Variants in STXBP4 observed in about 807,000 individuals in gnomAD.
The protein encoded by STXBP4 is syntaxin-binding protein 4.
A neutral mutation model predicts 76.1 loss-of-function variants in STXBP4; 55 were observed. That is an observed-to-expected ratio of 0.72 (90% CI 0.58 to 0.91). The LOEUF is 0.91. STXBP4 is among the 40% of genes least tolerant of loss of function. The probability of loss-of-function intolerance (pLI) is 0.00; values close to 1 mark genes in which losing one functional copy is unlikely to be tolerated. For synonymous variants in STXBP4, 201 were observed against 220.2 expected, an observed-to-expected ratio of 0.91 and a Z score of 0.77; for missense variants, 618 against 636.9, an observed-to-expected ratio of 0.97 and a Z score of 0.32.
chr17:55,185,096 C>T, the STXBP4 span, among the ~76,000 whole-genome samples: 1 of 152,152 alleles, frequency 6.6e-6, no homozygotes, highest in Non-Finnish European at 1.5e-5. Context: ...GTCTAGAACT[C>T]CTGGGCTCAA....
At chr17:55,138,028 G>A (rs939647393) in intron 16 of STXBP4, among the ~76,000 whole-genome samples, 8 of 151,894 alleles carry the variant, frequency 5.3e-5, no homozygotes, top group East Asian at 3.9e-4. Flanking sequence ...CATGTTTCAC[G>A]TTTTGCCTAT....
intron 17 of STXBP4, among the ~76,000 whole-genome samples, chr17:55,154,702 G>GA (rs1318808706): frequency 2.0e-5 from 3 of 151,832 alleles, no homozygotes; most frequent in East Asian, 3.9e-4. Context: ...GATATTATTT[G>GA]AAAAAATGTA....
chr17:55,105,619 G>A (rs985444952), intron 16 of STXBP4, among the ~76,000 whole-genome samples: 34 of 150,950 alleles, frequency 2.3e-4, no homozygotes, highest in African/African-American at 8.1e-4. Flanking sequence ...ACAGGCACCC[G>A]CCACCACACC....
the STXBP4 span, among the ~76,000 whole-genome samples, chr17:55,182,750 AATAAG>A: frequency 6.6e-6 from 1 of 152,062 alleles, no homozygotes; most frequent in Non-Finnish European, 1.5e-5. Flanking sequence ...CAACAGAAAT[AATAAG>A]AGACAAAAAA....
chr17:55,202,409 C>T, the STXBP4 span, among the ~76,000 whole-genome samples: 1 of 150,646 alleles, frequency 6.6e-6, no homozygotes, highest in African/African-American at 2.5e-5. Context: ...ATTAATACCA[C>T]AGGTATTAAT....
rs992010485 is a variant in STXBP4, at chr17:55,083,181, C to T, written c.1489+1998C>T. On this transcript the variant is annotated intron_variant, in intron 16 of 17. Transcript: ENST00000376352. ...GTAGAGACAGGGTCTCTCCATGTTG[C>T]CCAGGCCTGGTCTTGAACTCCTGGA... Among the ~76,000 whole-genome samples, 10 of 152,000 alleles carry T rather than the reference C, an allele frequency of 6.6e-5. No individual in the cohort carries two copies. In the East Asian group the frequency reaches 1.9e-3, roughly 29 times the overall value.
chr17:54,987,119 G>A (rs1451866000), intron 3 of STXBP4, among the ~76,000 whole-genome samples: 1 of 152,162 alleles, frequency 6.6e-6, no homozygotes, highest in African/African-American at 2.4e-5. Flanking sequence ...TTAGTGAAAG[G>A]AAGCAGTAAA....
chr17:55,197,954 G>T, the STXBP4 span, among the ~76,000 whole-genome samples: 1 of 152,114 alleles, frequency 6.6e-6, no homozygotes, highest in Admixed American at 6.5e-5. Flanking sequence ...TGGACAAAAC[G>T]CACAGCAAAG....
intron 7 of STXBP4, among the ~76,000 whole-genome samples, chr17:55,007,242 G>C (rs2144540025): frequency 6.6e-6 from 1 of 151,994 alleles, no homozygotes; most frequent in African/African-American, 2.4e-5. Flanking sequence ...GGGAGGCTGA[G>C]GCAGGAGAAT....
At chr17:55,083,830 C>T (rs2079289382) in intron 16 of STXBP4, among the ~76,000 whole-genome samples, 1 of 152,112 alleles carries the variant, frequency 6.6e-6, no homozygotes, top group Non-Finnish European at 1.5e-5. Flanking sequence ...CTTTTATGAC[C>T]CAGCCTCAGA....
chr17:55,127,786 A>G (rs942086383), intron 16 of STXBP4, among the ~76,000 whole-genome samples: 2 of 152,166 alleles, frequency 1.3e-5, no homozygotes, highest in African/African-American at 2.4e-5. Flanking sequence ...TTTTTTCCAC[A>G]TTTTACCTGA....
rs369657178 is a variant in STXBP4, at chr17:55,074,613, C to A, written c.1188+1537C>A. On this transcript the variant is annotated intron_variant, in intron 13 of 17. Coordinates refer to ENST00000376352, the MANE Select transcript of STXBP4 (RefSeq NM_178509.6). ...CAAGAAAGTTCACATGAAATTATTC[C>A]TTGTTTTTTGTTTCTTTTTTAAGCT... is the stretch of plus-strand genomic sequence containing the variant. Among the ~76,000 whole-genome samples the A allele has an allele frequency of 1.6e-3, 239 of 151,816 alleles. 7 individuals are homozygous for A. The South Asian group carries it at 0.045, about 29-fold the overall frequency.
chr17:55,016,462 G>A (rs1414908251), intron 8 of STXBP4, among the ~76,000 whole-genome samples: 2 of 152,194 alleles, frequency 1.3e-5, no homozygotes, highest in Admixed American at 1.3e-4. Context: ...CAGAGAGGGT[G>A]TAGGTAACCT....
chr17:55,104,995 G>T (rs1198466397), intron 16 of STXBP4, among the ~76,000 whole-genome samples: 1 of 151,970 alleles, frequency 6.6e-6, no homozygotes, highest in Non-Finnish European at 1.5e-5. Context: ...ATTTTTTGTT[G>T]TGTCTATTTG....
chr17:55,078,773 GTGAT>G, intron 15 of STXBP4, 38 bp downstream of exon 15: 1 of 1,140,342 alleles, frequency 8.8e-7, no homozygotes, highest in Non-Finnish European at 1.3e-6. Flanking sequence ...AATATGGGTA[GTGAT>G]TAAATTCTTC....
chr17:55,088,570 T>C (rs1043209825), intron 16 of STXBP4, among the ~76,000 whole-genome samples: 1 of 152,096 alleles, frequency 6.6e-6, no homozygotes, highest in African/African-American at 2.4e-5. Context: ...CTAATTTTTG[T>C]ATTTTTAGTA....
intron 16 of STXBP4, among the ~76,000 whole-genome samples, chr17:55,083,539 G>A (rs760750710): frequency 6.6e-6 from 1 of 152,054 alleles, no homozygotes; most frequent in Non-Finnish European, 1.5e-5. Context: ...CAACAATTTA[G>A]TATTGTCTCT....
chr17:55,071,518 G>T (rs151020704), intron 12 of STXBP4, among the ~76,000 whole-genome samples: 22 of 152,166 alleles, frequency 1.4e-4, no homozygotes, highest in East Asian at 5.8e-4. Context: ...CCTCCTGCAG[G>T]TCTCTGGTCA....
chr17:55,003,761 T>G (rs1347663131), intron 7 of STXBP4, among the ~76,000 whole-genome samples: 1 of 152,228 alleles, frequency 6.6e-6, no homozygotes, highest in Non-Finnish European at 1.5e-5. Flanking sequence ...GATGCTATTA[T>G]ACAGAAATTT....
Sources: gnomAD v4.1 joint callset for allele counts (sites outside exome capture counted in the v4.1 genomes callset) on GRCh38, gnomAD v4.1.1 for gene constraint, MANE v1.5 for transcripts, NCBI Gene and HGNC (gene_info 2026-07-23, HGNC 2026-07-21) for gene names.